FRMD1: variants seen among roughly 807,000 people sequenced by gnomAD.
FRMD1 encodes the protein FERM domain-containing protein 1.
A neutral mutation model predicts 54.9 loss-of-function variants in FRMD1; 51 were observed. The ratio of observed to expected loss-of-function variants is 0.93; its 90% CI spans 0.74 to 1.17. The LOEUF is 1.17. Among genes scored for constraint, FRMD1 ranks in the 50% most tolerant of loss-of-function variants. The pLI is 0.00. For missense variants in FRMD1, 729 were observed against 743.0 expected (o/e 0.98, Z 0.22); for synonymous variants, 324 against 306.4 (o/e 1.06, Z -0.60).
chr6:168,090,545 A>G (rs937462980), intron 1 of FRMD1, among the ~76,000 whole-genome samples: 2 of 152,104 alleles, frequency 1.3e-5, no homozygotes, highest in Non-Finnish European at 2.9e-5. Context: ...CTGATGCTGC[A>G]TTCATGGGGA....
At chr6:168,066,289 G>C (rs1042607305) in intron 4 of FRMD1, 1 of 798,754 alleles carries the variant, frequency 1.3e-6, no homozygotes. Context: ...ACCTGAGGTC[G>C]GGAGTTTGAG....
chr6:168,078,787 GCCACCCAGGGCCC>G, intron 1 of FRMD1, 82 bp downstream of exon 1: 2 of 84,038 alleles, frequency 2.4e-5, no homozygotes, highest in Non-Finnish European at 3.5e-5. Flanking sequence ...CACCCCCACG[GCCACCCAGGGCCC>G]TGCTCACCCC....
At chr6:168,089,112 CT>C (rs1273507571) in intron 1 of FRMD1, among the ~76,000 whole-genome samples, 2 of 152,258 alleles carry the variant, frequency 1.3e-5, no homozygotes, top group African/African-American at 4.8e-5. Context: ...AGCAGCCTGC[CT>C]GGGGGGCTGC....
At chr6:168,063,823 T>TGGCAA in intron 5 of FRMD1, 67 bp from the exon 6 acceptor site, 13 of 1,499,266 alleles carry the variant, frequency 8.7e-6, no homozygotes, top group Non-Finnish European at 1.2e-5. Context: ...GCCAGCCCCC[T>TGGCAA]GCTCCGAGAA....
At chr6:168,086,221 T>G (rs532342824), upstream of FRMD1, among the ~76,000 whole-genome samples, 31 of 151,858 alleles carry the variant, frequency 2.0e-4, no homozygotes, top group Non-Finnish European at 4.0e-4. Context: ...TGTTCCAGCA[T>G]GGACACCCAC....
At chr6:168,078,763 T>G in intron 1 of FRMD1, 119 bp downstream of exon 1, 1 of 981,862 alleles carries the variant, frequency 1.0e-6, no homozygotes. Context: ...CCCAAGGCCA[T>G]CCAGGGCCCT....
chr6:168,061,090 C>T, intron 8 of FRMD1, 33 bp from the exon 9 acceptor site: 1 of 1,584,918 alleles, frequency 6.3e-7, no homozygotes, highest in Non-Finnish European at 8.6e-7. Context: ...TGAGGGCGAG[C>T]TGGAGAGGGA....
At chr6:168,081,335 G>C (rs1421472087), upstream of FRMD1, 1 of 1,519,178 alleles carries the variant, frequency 6.6e-7, no homozygotes, top group Non-Finnish European at 8.8e-7. Flanking sequence ...CCCCAACACT[G>C]ACCCCACCTC....
rs182017865 is a variant in FRMD1 at position 168,065,306 on chromosome 6, G to A, written c.462-249C>T. 2.7e-3 allele frequency: 3,470 copies of A among 1,292,728 alleles called. 8 individuals are homozygous for A. The highest frequency in any genetic ancestry group is 3.3e-3 in the Admixed American group (91 of 27,454). The allele number at this position is 1,292,728 out of a possible 1,614,324, so 80.1% of individuals were successfully genotyped here. ...GCCACTAGATGAGGCTCCACCTGCC[G>A]AGGTCCCACTCCTTCCCCAGTGAGC... On this transcript the variant is annotated intron_variant, in intron 4 of 10. Coordinates refer to ENST00000283309, the MANE Select transcript of FRMD1 (RefSeq NM_024919.6).
chr6:168,079,188 C>A lies in FRMD1; in HGVS notation c.-94G>T. On this transcript the variant is annotated 5_prime_UTR_variant, in exon 1 of 11. Coordinates refer to ENST00000283309, the MANE Select transcript of FRMD1 (RefSeq NM_024919.6). ...TGTGCTTTCCGGGACCCGCCCTTGC[C>A]GAGCTTCTCACTGGGAAGGGAATTG... is the stretch of plus-strand genomic sequence containing the variant. The A allele has an allele frequency of 7.0e-7, 1 of 1,423,708 alleles. No individual in the cohort carries two copies. The allele number at this position is 1,423,708 out of a possible 1,614,324, so 88.2% of individuals were successfully genotyped here.
intron 1 of FRMD1, among the ~76,000 whole-genome samples, chr6:168,089,624 T>G (rs1800981482): frequency 6.6e-6 from 1 of 152,232 alleles, no homozygotes; most frequent in Admixed American, 6.5e-5. Flanking sequence ...CTGAATTCTC[T>G]ATGAGGGTGC....
At position 168,055,113 on chromosome 6, in the gene FRMD1, G is replaced by A. The variant is rs1799355567; in HGVS notation, c.*1984C>T. 1 of 152,286 alleles carries A rather than the reference G, an allele frequency of 6.6e-6. No individual in the cohort carries two copies. The highest frequency in any genetic ancestry group is 1.5e-5 in the Non-Finnish European group (1 of 68,082). The allele number at this position is 152,286 out of a possible 1,614,324, so 9.4% of individuals were successfully genotyped here. On this transcript the variant is annotated 3_prime_UTR_variant, in exon 11 of 11. Coordinates refer to ENST00000283309, the MANE Select transcript of FRMD1 (RefSeq NM_024919.6). Reference sequence around the variant, plus strand: ...AAGGACAGAAATAGGAATCCCCAGTGGGGCCAGAGAAGCTTCTCGGGTCAG... The same window carrying A: ...AAGGACAGAAATAGGAATCCCCAGTAGGGCCAGAGAAGCTTCTCGGGTCAG...
intron 7 of FRMD1, among the ~76,000 whole-genome samples, chr6:168,062,391 A>G (rs774082952): frequency 1.3e-5 from 2 of 152,196 alleles, no homozygotes; most frequent in Non-Finnish European, 2.9e-5. Context: ...GTGCGTTTCT[A>G]TGACCTGCTC....
In FRMD1 at chr6:168,055,467, C is replaced by A. The variant is rs939065742; in HGVS notation, c.*1630G>T. 2 of 152,298 alleles carry A rather than the reference C, an allele frequency of 1.3e-5. No individual in the cohort carries two copies. Among genetic ancestry groups the A allele is most frequent in the Admixed American group, 1.3e-4 (2 of 15,284 alleles). The allele number at this position is 152,298 out of a possible 1,614,324, so 9.4% of individuals were successfully genotyped here. On this transcript the variant is annotated 3_prime_UTR_variant, in exon 11 of 11. Transcript: ENST00000283309. ...TGGTGGACACCACCTGCTGTGTCTC[C>A]CCAACACTGGTGTGTACCTTCCCTC...
At chr6:168,066,531 A>AAAAAGG (rs2114982049) in intron 4 of FRMD1, 1 of 1,283,816 alleles carries the variant, frequency 7.8e-7, no homozygotes, top group East Asian at 3.1e-5. Flanking sequence ...AAAGAAAAAG[A>AAAAAGG]AAAGAAAAAG....
At chr6:168,066,626 G>A (rs1375800061) in intron 4 of FRMD1, 129 bp downstream of exon 4, 1 of 1,439,120 alleles carries the variant, frequency 6.9e-7, no homozygotes, top group African/African-American at 1.4e-5. Flanking sequence ...CCGATATAGT[G>A]GGGTTGTTTG....
At chr6:168,065,514 G>A (rs960680836) in intron 4 of FRMD1, 49 of 988,712 alleles carry the variant, frequency 5.0e-5, no homozygotes, top group Non-Finnish European at 5.4e-5. Context: ...CACAGGCCAG[G>A]TGGAGGCTCG....
chr6:168,068,403 G>C (rs978360648), intron 2 of FRMD1, among the ~76,000 whole-genome samples: 1 of 152,152 alleles, frequency 6.6e-6, no homozygotes, highest in Non-Finnish European at 1.5e-5. Flanking sequence ...CGTGTCTGCT[G>C]GGAACTGGTT....
At chr6:168,058,119 C>A (rs1206001985) in intron 10 of FRMD1, among the ~76,000 whole-genome samples, 2 of 152,210 alleles carry the variant, frequency 1.3e-5, no homozygotes, top group Admixed American at 1.3e-4. Context: ...GGACTTGCAG[C>A]CTCCCCTCCC....
Sources: gnomAD v4.1 joint callset for allele counts (sites outside exome capture counted in the v4.1 genomes callset) on GRCh38, gnomAD v4.1.1 for gene constraint, MANE v1.5 for transcripts, NCBI Gene and HGNC (gene_info 2026-07-23, HGNC 2026-07-21) for gene names.